The following KLF8 variants were observed in gnomAD, a reference collection of about 807,000 sequenced individuals.
KLF8 encodes KLF transcription factor 8.
KLF8 carries 10 observed loss-of-function variants against 18.2 expected under a neutral mutation model. The ratio of observed to expected loss-of-function variants is 0.55; its 90% CI spans 0.34 to 0.93. KLF8 has a LOEUF of 0.93. KLF8 is among the 40% of genes least tolerant of loss of function. The pLI is 0.02. For missense variants in KLF8, 264 were observed against 277.9 expected, an observed-to-expected ratio of 0.95 and a Z score of 0.36; for synonymous variants, 109 against 97.3, an observed-to-expected ratio of 1.12 and a Z score of -0.71.
chrX:56,073,180 G>T, the KLF8 span, among the ~76,000 whole-genome samples: 1 of 110,334 alleles, frequency 9.1e-6, no homozygotes, highest in African/African-American at 3.3e-5. Context: ...GTAGAGTCAG[G>T]GTTTCACCGT....
the KLF8 span, among the ~76,000 whole-genome samples, chrX:55,932,456 C>G: frequency 9.0e-6 from 1 of 111,617 alleles, no homozygotes; most frequent in Non-Finnish European, 1.9e-5. Flanking sequence ...GCATTTTCTT[C>G]ATAGTATCGA....
chrX:55,968,162 G>A, the KLF8 span, among the ~76,000 whole-genome samples: 1 of 110,405 alleles, frequency 9.1e-6, no homozygotes, highest in African/African-American at 3.3e-5. Context: ...TTCACTAAAA[G>A]GAAGACATGA....
the KLF8 span, among the ~76,000 whole-genome samples, chrX:55,915,255 A>C: frequency 8.9e-6 from 1 of 112,016 alleles, no homozygotes; most frequent in Non-Finnish European, 1.9e-5. Flanking sequence ...AACCTCTGAC[A>C]ATAGCTGTAA....
chrX:56,183,257 G>A, the KLF8 span, among the ~76,000 whole-genome samples: 1 of 112,172 alleles, frequency 8.9e-6, no homozygotes, highest in East Asian at 2.8e-4. Flanking sequence ...GTGGGCAAGG[G>A]ACACTCTAAG....
At chrX:56,138,046 CAAAAAAA>C in the KLF8 span, among the ~76,000 whole-genome samples, 2 of 56,647 alleles carry the variant, frequency 3.5e-5, no homozygotes, top group African/African-American at 1.5e-4. Flanking sequence ...CACAGAAATA[CAAAAAAA>C]AAAAAAAAAA....
chrX:55,911,404 A>G, the KLF8 span, among the ~76,000 whole-genome samples: 1 of 112,521 alleles, frequency 8.9e-6, no homozygotes, highest in South Asian at 3.6e-4. Context: ...CAATAAATTT[A>G]TTAGCACTAG....
chrX:55,949,333 C>CTGTGTGTG, the KLF8 span, among the ~76,000 whole-genome samples: 15 of 88,176 alleles, frequency 1.7e-4, no homozygotes, highest in South Asian at 7.0e-4. Context: ...TTTTCATATG[C>CTGTGTGTG]TGTGTGTGTG....
the KLF8 span, among the ~76,000 whole-genome samples, chrX:55,958,182 C>T: frequency 8.9e-6 from 1 of 112,217 alleles, no homozygotes; most frequent in Non-Finnish European, 1.9e-5. Flanking sequence ...GGCTCTTGTT[C>T]TCATGAACAG....
At chrX:56,081,985 T>A in the KLF8 span, among the ~76,000 whole-genome samples, 1 of 111,660 alleles carries the variant, frequency 9.0e-6, no homozygotes, top group Non-Finnish European at 1.9e-5. Flanking sequence ...CAGGATTTTT[T>A]TCCCTCCTCT....
At chrX:56,161,405 C>G in the KLF8 span, among the ~76,000 whole-genome samples, 7 of 111,679 alleles carry the variant, frequency 6.3e-5, no homozygotes, top group African/African-American at 2.3e-4. Context: ...TCAGGTACAC[C>G]AACGAGACTT....
chrX:55,987,200 A>G, the KLF8 span, among the ~76,000 whole-genome samples: 1 of 104,162 alleles, frequency 9.6e-6, no homozygotes, highest in Non-Finnish European at 2.0e-5. Flanking sequence ...TTTCATTTTA[A>G]TTTTATTTTT....
the KLF8 span, among the ~76,000 whole-genome samples, chrX:55,997,694 C>T: frequency 9.0e-6 from 1 of 111,672 alleles, no homozygotes; most frequent in Non-Finnish European, 1.9e-5. Flanking sequence ...TGGCTGCATA[C>T]AGTCAGCATT....
the KLF8 span, among the ~76,000 whole-genome samples, chrX:56,175,342 T>G: frequency 8.9e-6 from 1 of 112,072 alleles, no homozygotes; most frequent in Non-Finnish European, 1.9e-5. Context: ...TTCTGCCTTC[T>G]TTTCGTTATG....
At chrX:56,042,062 T>C in the KLF8 span, among the ~76,000 whole-genome samples, 7 of 111,810 alleles carry the variant, frequency 6.3e-5, no homozygotes, top group African/African-American at 2.3e-4. Flanking sequence ...ATCCCAGAGA[T>C]TCTGGTTTGT....
At chrX:56,203,015 G>C in the KLF8 span, among the ~76,000 whole-genome samples, 1 of 111,135 alleles carries the variant, frequency 9.0e-6, no homozygotes, top group Admixed American at 9.6e-5. Flanking sequence ...GTTCTTCATA[G>C]TGGTTGTACT....
the KLF8 span, among the ~76,000 whole-genome samples, chrX:56,130,239 G>A: frequency 9.0e-6 from 1 of 111,148 alleles, no homozygotes; most frequent in African/African-American, 3.3e-5. Context: ...GCGACTAAGG[G>A]CACTCACAGA....
the KLF8 span, among the ~76,000 whole-genome samples, chrX:55,950,736 T>C: frequency 8.9e-6 from 1 of 111,764 alleles, no homozygotes; most frequent in African/African-American, 3.3e-5. Flanking sequence ...CTTATGGCAC[T>C]TTTCCTGTTT....
At chrX:56,129,398 C>G in the KLF8 span, among the ~76,000 whole-genome samples, 1 of 112,222 alleles carries the variant, frequency 8.9e-6, no homozygotes, top group African/African-American at 3.2e-5. Flanking sequence ...CGAGCACACA[C>G]TCTCACTGGG....
the KLF8 span, among the ~76,000 whole-genome samples, chrX:56,149,969 C>A: frequency 1.8e-5 from 2 of 111,670 alleles, no homozygotes; most frequent in African/African-American, 6.5e-5. Flanking sequence ...CTGAGTACTT[C>A]ATGTAATTCA....
Sources: gnomAD v4.1 joint callset for allele counts (sites outside exome capture counted in the v4.1 genomes callset) on GRCh38, gnomAD v4.1.1 for gene constraint, MANE v1.5 for transcripts, NCBI Gene and HGNC (gene_info 2026-07-23, HGNC 2026-07-21) for gene names.